CDC5L: variants seen among roughly 807,000 people sequenced by gnomAD.
The protein encoded by CDC5L is cell division cycle 5 like, also known as cell division cycle 5-like protein.
CDC5L carries 18 observed loss-of-function variants against 104.1 expected under a neutral mutation model. That is an observed-to-expected ratio of 0.17 (90% CI 0.12 to 0.26). The LOEUF (loss-of-function observed/expected upper bound fraction) is 0.26, where lower values mean the gene tolerates loss of function less well. CDC5L is among the 10% of genes least tolerant of loss of function. CDC5L has a pLI of 1.00. For synonymous variants in CDC5L, 331 were observed against 322.7 expected (o/e 1.03, Z -0.28); for missense variants, 673 against 956.9 (o/e 0.70, Z 3.91).
At chr6:44,430,683 C>T (rs558359446) in intron 14 of CDC5L, among the ~76,000 whole-genome samples, 13 of 151,762 alleles carry the variant, frequency 8.6e-5, no homozygotes, top group South Asian at 2.1e-4. Context: ...AGCGATTCTC[C>T]TGCCTCAGCC....
In CDC5L at chr6:44,424,575, C is replaced by G. The variant is rs376683934; in HGVS notation, c.1561C>G (p.Arg521Gly). 12 of 1,613,502 alleles carry G rather than the reference C, an allele frequency of 7.4e-6. No individual in the cohort carries two copies. The highest frequency in any genetic ancestry group is 5.1e-6 in the Non-Finnish European group (6 of 1,179,804). Reference protein sequence around the residue: ...YIEDAADVDARKQAIRDAERV... With the variant: ...YIEDAADVDAGKQAIRDAERV... ...TGAAGATGCTGCTGATGTGGATGCT[C>G]GAAAGCAGGTGGGTAACTGTACTGA... Residue 521 changes from arginine (R) to glycine (G), a missense_variant, in exon 11 of 16, where the codon CGA (arginine) becomes GGA (glycine). Physicochemically the swap from Arg to Gly is moderately radical, Grantham distance 125. Coordinates refer to ENST00000371477, the MANE Select transcript of CDC5L (RefSeq NM_001253.4).
chr6:44,413,024 C>T (rs560388994), intron 8 of CDC5L, among the ~76,000 whole-genome samples: 23 of 151,680 alleles, frequency 1.5e-4, no homozygotes, highest in South Asian at 1.0e-3. Context: ...CCTCGTGATC[C>T]GCCCGCCTCG....
chr6:44,400,127 TC>T (rs1791053855), intron 5 of CDC5L, among the ~76,000 whole-genome samples: 1 of 152,228 alleles, frequency 6.6e-6, no homozygotes, highest in African/African-American at 2.4e-5. Context: ...TATCATACCT[TC>T]CTTTACTTCT....
chr6:44,408,564 A>G lies in CDC5L; in HGVS notation c.1024A>G (p.Asn342Asp), dbSNP rs1038853577. 3.1e-6 allele frequency: 5 copies of G among 1,613,940 alleles called. No individual in the cohort carries two copies. The highest frequency in any genetic ancestry group is 1.3e-5 in the African/African-American group (1 of 75,056). Reference sequence around the variant, plus strand: ...TTCCAGTACACTTTTGTCTGAGTACAATGTCACCAACAACAGCGTTGCTCT... The same window carrying G: ...TTCCAGTACACTTTTGTCTGAGTACGATGTCACCAACAACAGCGTTGCTCT... ...SASSTLLSEY[N>D]VTNNSVALRT... The change falls in exon 8 of 16, where the codon AAT (asparagine) becomes GAT (aspartate). Residue 342 changes from asparagine to aspartate, a missense_variant. Transcript: ENST00000371477.
At position 44,417,917 on chromosome 6, in the gene CDC5L, A is replaced by G. The variant is rs574064717; in HGVS notation, c.1093-1532A>G. 8.9e-4 allele frequency among the ~76,000 whole-genome samples: 135 copies of G among 152,224 alleles called. 1 individual carries two copies. Among genetic ancestry groups the G allele is most frequent in the Admixed American group, 1.6e-3 (24 of 15,280 alleles). On this transcript the variant is annotated intron_variant, in intron 8 of 15. Transcript: ENST00000371477. Reference sequence around the variant, plus strand: ...TAAGCTGGGAAATTTGAATTCTTGTAATAGTAATTTCATATGTGAGGCCAC... The same window carrying G: ...TAAGCTGGGAAATTTGAATTCTTGTGATAGTAATTTCATATGTGAGGCCAC...
At chr6:44,430,733 CAGTTAATTTTTGTATTTTTAGT>C (rs1362819049) in intron 14 of CDC5L, among the ~76,000 whole-genome samples, 2 of 151,892 alleles carry the variant, frequency 1.3e-5, no homozygotes, top group Non-Finnish European at 2.9e-5. Context: ...CCACCACGCC[CAGTTAATTTTTGTATTTTTAGT>C]AGAGACAGAG....
intron 3 of CDC5L, 128 bp downstream of exon 3, chr6:44,392,956 T>C: frequency 1.4e-6 from 1 of 692,528 alleles, no homozygotes; most frequent in Non-Finnish European, 2.3e-6. Flanking sequence ...CTAAAGCCAT[T>C]GGATAATATT....
intron 14 of CDC5L, among the ~76,000 whole-genome samples, chr6:44,432,878 A>T (rs573077791): frequency 2.5e-4 from 38 of 152,322 alleles, no homozygotes; most frequent in African/African-American, 8.4e-4. Flanking sequence ...ATGACAGTTA[A>T]TATAAGGAAA....
At chr6:44,394,953 A>C (rs897760997) in intron 4 of CDC5L, among the ~76,000 whole-genome samples, 8 of 150,414 alleles carry the variant, frequency 5.3e-5, no homozygotes, top group Non-Finnish European at 1.0e-4. Flanking sequence ...CAATGAAATC[A>C]TGTCATTTGC....
chr6:44,429,917 A>G lies in CDC5L; in HGVS notation c.2091+7A>G, dbSNP rs1387078775. 1 of 1,607,838 alleles carries G rather than the reference A, an allele frequency of 6.2e-7. No homozygotes were observed. The highest frequency in any genetic ancestry group is 8.5e-7 in the Non-Finnish European group (1 of 1,176,038). On this transcript the variant is annotated splice_region_variant and intron_variant, in intron 14 of 15. Transcript: ENST00000371477. ...ACTTGAAAAGAGGCTCGAGGTTGGT[A>G]TCCTTTTAAAATTTTAATTTTAAAT...
At position 44,448,688 on chromosome 6, in the gene CDC5L, G is replaced by C. The variant is rs1793540549; in HGVS notation, c.*1977G>C. On this transcript the variant is annotated 3_prime_UTR_variant, in exon 16 of 16. Transcript: ENST00000371477. ...TCAGTATCATCAGTGAATAATGATA[G>C]TGTTTCTTCTGATAGTTTTATTTCA... 1 of 152,174 alleles carries C rather than the reference G, an allele frequency of 6.6e-6. No individual in the cohort carries two copies. Among genetic ancestry groups the C allele is most frequent in the Non-Finnish European group, 1.5e-5 (1 of 68,024 alleles). 9.4% of individuals were successfully genotyped at this position (152,174 alleles called of 1,614,324 possible).
chr6:44,398,855 C>A (rs749656807), intron 5 of CDC5L, among the ~76,000 whole-genome samples: 1 of 152,204 alleles, frequency 6.6e-6, no homozygotes, highest in East Asian at 1.9e-4. Context: ...TGTACACTAA[C>A]GTTTATACAA....
intron 1 of CDC5L, 141 bp downstream of exon 1, chr6:44,388,009 T>G: frequency 1.4e-6 from 1 of 704,402 alleles, no homozygotes; most frequent in Non-Finnish European, 2.3e-6. Context: ...CTTGGGGCCC[T>G]TTCCGTGTGT....
intron 14 of CDC5L, among the ~76,000 whole-genome samples, chr6:44,438,533 G>A (rs1793039270): frequency 6.6e-6 from 1 of 152,200 alleles, no homozygotes; most frequent in South Asian, 2.1e-4. Context: ...CAATTCTGAA[G>A]TTTAGCTGTG....
chr6:44,449,732 A>G lies in CDC5L; in HGVS notation c.*3021A>G, dbSNP rs1201205228. On this transcript the variant is annotated 3_prime_UTR_variant, in exon 16 of 16. Transcript: ENST00000371477. ...AACGACATCAAAGAAAAACTACACT[A>G]CAGTGACTGCAGACTTAATGTTGGC... 6 of 152,216 alleles carry G rather than the reference A, an allele frequency of 3.9e-5. No homozygotes were observed. Among genetic ancestry groups the G allele is most frequent in the African/African-American group, 1.2e-4 (5 of 41,464 alleles). 9.4% of individuals were successfully genotyped at this position (152,216 alleles called of 1,614,324 possible).
chr6:44,425,776 G>A (rs1792391082), intron 11 of CDC5L, among the ~76,000 whole-genome samples: 1 of 152,088 alleles, frequency 6.6e-6, no homozygotes, highest in South Asian at 2.1e-4. Flanking sequence ...ATTTTGGAGT[G>A]AAAGGGAAGA....
chr6:44,405,994 C>G (rs1300285307), intron 6 of CDC5L, among the ~76,000 whole-genome samples: 1 of 151,868 alleles, frequency 6.6e-6, no homozygotes, highest in Non-Finnish European at 1.5e-5. Context: ...CTCTGTCTCC[C>G]GGGCTCTAAT....
At chr6:44,410,486 G>A (rs77484562) in intron 8 of CDC5L, among the ~76,000 whole-genome samples, 1,803 of 152,258 alleles carry the variant, frequency 0.012, 18 homozygotes, top group Middle Eastern at 0.054. Context: ...TGTTTCCAGA[G>A]GTAGAATTTT....
chr6:44,387,978 A>T, intron 1 of CDC5L, 110 bp downstream of exon 1: 1 of 1,011,400 alleles, frequency 9.9e-7, no homozygotes, highest in Non-Finnish European at 1.5e-6. Context: ...GTCTGCGTGG[A>T]GGGCAGCCCG....
Sources: gnomAD v4.1 joint callset for allele counts (sites outside exome capture counted in the v4.1 genomes callset) on GRCh38, gnomAD v4.1.1 for gene constraint, MANE v1.5 for transcripts, NCBI Gene and HGNC (gene_info 2026-07-23, HGNC 2026-07-21) for gene names.